The following RNGTT variants were observed in gnomAD, a reference collection of about 807,000 sequenced individuals.
The protein encoded by RNGTT is RNA guanylyltransferase and 5'-phosphatase.
RNGTT carries 33 observed loss-of-function variants against 79.3 expected under a neutral mutation model. The observed-to-expected ratio is 0.42, with a 90% confidence interval of 0.32 to 0.56. The LOEUF (loss-of-function observed/expected upper bound fraction) is 0.56, where lower values mean the gene tolerates loss of function less well. RNGTT is among the 20% of genes least tolerant of loss of function. The pLI is 0.17. For missense variants in RNGTT, 497 were observed against 739.1 expected, an observed-to-expected ratio of 0.67 and a Z score of 3.80; for synonymous variants, 222 against 235.9, an observed-to-expected ratio of 0.94 and a Z score of 0.54.
chr6:88,913,210 A>C (rs1198854037), intron 4 of RNGTT, among the ~76,000 whole-genome samples: 19 of 132,686 alleles, frequency 1.4e-4, no homozygotes, highest in Admixed American at 9.2e-4. Flanking sequence ...GTCTCAAAAA[A>C]AAACAAAAAA....
intron 2 of RNGTT, among the ~76,000 whole-genome samples, chr6:88,932,468 C>A (rs1346528005): frequency 1.3e-5 from 2 of 152,142 alleles, no homozygotes; most frequent in Admixed American, 1.3e-4. Flanking sequence ...TTCGTACACT[C>A]CCTCCCCTTT....
intron 13 of RNGTT, among the ~76,000 whole-genome samples, chr6:88,691,226 C>A (rs1004739898): frequency 6.6e-6 from 1 of 152,088 alleles, no homozygotes; most frequent in African/African-American, 2.4e-5. Context: ...AGCACCTCCC[C>A]CTTTGCGCTC....
intron 6 of RNGTT, among the ~76,000 whole-genome samples, chr6:88,897,354 T>C (rs1007641962): frequency 6.6e-6 from 1 of 152,100 alleles, no homozygotes; most frequent in Admixed American, 6.6e-5. Flanking sequence ...CTCAATTACA[T>C]CTCCAGTACT....
At chr6:88,860,631 C>T (rs1363988317) in intron 8 of RNGTT, among the ~76,000 whole-genome samples, 2 of 152,098 alleles carry the variant, frequency 1.3e-5, no homozygotes, top group Admixed American at 6.6e-5. Flanking sequence ...AAAAGTGGTT[C>T]TCCTTATTTA....
intron 13 of RNGTT, among the ~76,000 whole-genome samples, chr6:88,759,654 CCTCA>C (rs537222707): frequency 1.4e-3 from 214 of 152,298 alleles, no homozygotes; most frequent in African/African-American, 4.8e-3. Context: ...CTTTCTCCTT[CCTCA>C]CTGAGAACCC....
chr6:88,951,639 C>G (rs529080547), intron 1 of RNGTT, among the ~76,000 whole-genome samples: 4 of 152,220 alleles, frequency 2.6e-5, no homozygotes, highest in East Asian at 3.9e-4. Context: ...CACACATTCC[C>G]CATTGGGGAA....
chr6:88,949,988 C>A (rs1172110157), intron 1 of RNGTT, among the ~76,000 whole-genome samples: 1 of 152,202 alleles, frequency 6.6e-6, no homozygotes, highest in Non-Finnish European at 1.5e-5. Context: ...AAAGGACAGG[C>A]TGACTTTCTT....
intron 11 of RNGTT, among the ~76,000 whole-genome samples, chr6:88,835,496 T>C (rs1562277196): frequency 6.6e-6 from 1 of 152,096 alleles, no homozygotes; most frequent in African/African-American, 2.4e-5. Flanking sequence ...GGCAGAAAAA[T>C]AGGCAATTAG....
At chr6:88,676,482 T>A (rs564244583) in intron 14 of RNGTT, among the ~76,000 whole-genome samples, 3 of 152,186 alleles carry the variant, frequency 2.0e-5, no homozygotes, top group African/African-American at 7.2e-5. Context: ...ATAAAACTTC[T>A]AGCAGAATAC....
chr6:88,698,608 CTT>C (rs1386433771), intron 13 of RNGTT, among the ~76,000 whole-genome samples: 3 of 151,712 alleles, frequency 2.0e-5, no homozygotes, highest in African/African-American at 7.3e-5. Context: ...TTTATTTTAT[CTT>C]TTCTTTTGAT....
chr6:88,631,241 T>C (rs1239049753), intron 14 of RNGTT, among the ~76,000 whole-genome samples: 1 of 152,240 alleles, frequency 6.6e-6, no homozygotes, highest in Admixed American at 6.5e-5. Context: ...ACTATGTTGC[T>C]ACATACAGCT....
chr6:88,945,632 T>C (rs940797722), intron 1 of RNGTT, among the ~76,000 whole-genome samples: 1 of 152,252 alleles, frequency 6.6e-6, no homozygotes, highest in Non-Finnish European at 1.5e-5. Flanking sequence ...GGAGAAGTTT[T>C]ATCTATTGCC....
At chr6:88,628,443 G>A (rs1384862099) in intron 14 of RNGTT, among the ~76,000 whole-genome samples, 1 of 152,110 alleles carries the variant, frequency 6.6e-6, no homozygotes, top group Non-Finnish European at 1.5e-5. Flanking sequence ...ATTAATTGGT[G>A]TGTATGTGTG....
chr6:88,645,012 G>A (rs1328461849), intron 14 of RNGTT, among the ~76,000 whole-genome samples: 1 of 152,108 alleles, frequency 6.6e-6, no homozygotes, highest in Admixed American at 6.6e-5. Flanking sequence ...GGGCAATCAG[G>A]CAGGAGAAAG....
intron 12 of RNGTT, among the ~76,000 whole-genome samples, chr6:88,778,996 T>G (rs971074271): frequency 5.3e-5 from 8 of 152,334 alleles, no homozygotes; most frequent in Admixed American, 5.2e-4. Context: ...AGAAAGTTTT[T>G]TTGGAATGTT....
chr6:88,955,548 C>CAA (rs574649990), intron 1 of RNGTT, among the ~76,000 whole-genome samples: 1,817 of 55,646 alleles, frequency 0.033, 69 homozygotes, highest in African/African-American at 0.11. Flanking sequence ...AGACTCATCT[C>CAA]AAAAAAAAAA....
chr6:88,650,449 C>T (rs1464684340), intron 14 of RNGTT, among the ~76,000 whole-genome samples: 2 of 152,112 alleles, frequency 1.3e-5, no homozygotes, highest in Non-Finnish European at 2.9e-5. Context: ...CTGAAATCAG[C>T]CCTGAGTCAT....
intron 6 of RNGTT, among the ~76,000 whole-genome samples, chr6:88,898,287 A>C (rs1381042572): frequency 6.6e-6 from 1 of 152,132 alleles, no homozygotes; most frequent in African/African-American, 2.4e-5. Flanking sequence ...CCTCTCCATG[A>C]AATCATACTG....
intron 11 of RNGTT, among the ~76,000 whole-genome samples, chr6:88,804,041 T>C (rs887069919): frequency 6.6e-6 from 1 of 152,202 alleles, no homozygotes; most frequent in Non-Finnish European, 1.5e-5. Context: ...CTATCATGTA[T>C]CAAAGACCTA....
Sources: allele counts gnomAD v4.1 joint callset (sites outside exome capture counted in the v4.1 genomes callset), GRCh38; gene constraint gnomAD v4.1.1; transcripts MANE v1.5; gene names NCBI Gene and HGNC (gene_info 2026-07-23, HGNC 2026-07-21).